Variants in PTPRC observed in about 807,000 individuals in gnomAD.
PTPRC encodes the protein receptor-type tyrosine-protein phosphatase C.
PTPRC carries 44 observed loss-of-function variants against 155.9 expected under a neutral mutation model. That is an observed-to-expected ratio of 0.28 (90% CI 0.22 to 0.36). The LOEUF is 0.36. PTPRC is among the 10% of genes least tolerant of loss of function. PTPRC has a pLI of 1.00. For missense variants in PTPRC, 1,401 were observed against 1,564.6 expected (o/e 0.90, Z 1.76); for synonymous variants, 525 against 533.1 (o/e 0.98, Z 0.21).
At chr1:198,658,008 C>T (rs1663696004) in intron 2 of PTPRC, among the ~76,000 whole-genome samples, 1 of 152,124 alleles carries the variant, frequency 6.6e-6, no homozygotes, top group African/African-American at 2.4e-5. Flanking sequence ...GGTTTTTCAC[C>T]TTTCCAGGGG....
At chr1:198,737,248 T>C (rs959330986) in intron 23 of PTPRC, among the ~76,000 whole-genome samples, 2 of 151,618 alleles carry the variant, frequency 1.3e-5, no homozygotes, top group East Asian at 3.9e-4. Flanking sequence ...TGGGGTATTG[T>C]TGAATAAAAC....
In PTPRC at chr1:198,692,368, C is replaced by T. The variant is rs1665976678; in HGVS notation, c.95C>T (p.Pro32Leu). 6.7e-7 allele frequency: 1 copy of T among 1,489,824 alleles called. No homozygotes were observed. Among genetic ancestry groups the T allele is most frequent in the Non-Finnish European group, 9.0e-7 (1 of 1,115,652 alleles). 92.3% of individuals were successfully genotyped at this position (1,489,824 alleles called of 1,614,324 possible). Residue 32 changes from proline to leucine, a missense_variant, in exon 3 of 33, where the codon CCC (proline) becomes CTC (leucine). Around this residue, in one of 3 missense-constraint regions of PTPRC, gnomAD observed 867 missense variants for 970.4 expected, o/e 0.89. Coordinates refer to ENST00000442510, the MANE Select transcript of PTPRC (RefSeq NM_002838.5). The part of the protein sequence containing the change: ...FVTGQSPTPS[P>L]TGLTTAKMPS... ...GCAGGGCAAAGCCCAACACCTTCCC[C>T]CACTGGTAAGAATTAATATTTATAT... is the stretch of plus-strand genomic sequence containing the variant.
At chr1:198,665,073 C>T (rs919860671) in intron 2 of PTPRC, among the ~76,000 whole-genome samples, 1 of 145,048 alleles carries the variant, frequency 6.9e-6, no homozygotes, top group Admixed American at 7.0e-5. Flanking sequence ...TAGAACATCC[C>T]GGCAGCATTT....
chr1:198,715,826 A>G, intron 12 of PTPRC, among the ~76,000 whole-genome samples: 1 of 152,152 alleles, frequency 6.6e-6, no homozygotes, highest in Non-Finnish European at 1.5e-5. Flanking sequence ...ATCGTTATTG[A>G]TATTATTATT....
intron 29 of PTPRC, 53 bp from the exon 30 acceptor site, chr1:198,752,194 TCC>T (rs1558040510): frequency 1.9e-6 from 3 of 1,554,834 alleles, no homozygotes; most frequent in African/African-American, 2.7e-5. Flanking sequence ...GGGAGACTGA[TCC>T]TTTGCATATT....
At chr1:198,751,249 G>A (rs1376271934) in intron 29 of PTPRC, among the ~76,000 whole-genome samples, 1 of 151,950 alleles carries the variant, frequency 6.6e-6, no homozygotes, top group Non-Finnish European at 1.5e-5. Flanking sequence ...TATAGTTGAA[G>A]GTGAATCTAA....
chr1:198,756,006 A>C lies in PTPRC; in HGVS notation c.3746A>C (p.Asp1249Ala). Residue 1249 changes from aspartate to alanine, a missense_variant, in exon 33 of 33, where the codon GAT (aspartate) becomes GCT (alanine). Asp to Ala is a moderately radical substitution (Grantham distance 126). Coordinates refer to ENST00000442510, the MANE Select transcript of PTPRC (RefSeq NM_002838.5). ...CATCAAGAAGATAAAATTGAATTTG[A>C]TAATGAAGTGGACAAAGTAAAGCAG... ...NNHQEDKIEF[D>A]NEVDKVKQDA... 6.2e-7 allele frequency: 1 copy of C among 1,613,428 alleles called. No homozygotes were observed. The highest frequency in any genetic ancestry group is 8.5e-7 in the Non-Finnish European group (1 of 1,179,600).
Position 198,756,145 on chromosome 1 carries a change from T to G in PTPRC, c.3885T>G (p.Asn1295Lys). The G allele has an allele frequency of 6.2e-7, 1 of 1,613,364 alleles. No individual in the cohort carries two copies. Among genetic ancestry groups the G allele is most frequent in the Non-Finnish European group, 8.5e-7 (1 of 1,179,610 alleles). Residue 1295 changes from asparagine (N) to lysine (K), a missense_variant, in exon 33 of 33, where the codon AAT becomes AAG. Asn to Lys is a moderately conservative substitution (Grantham distance 94, BLOSUM62 0). Around this residue, in one of 3 missense-constraint regions of PTPRC, gnomAD observed 400 missense variants for 389.5 expected, o/e 1.03. Transcript: ENST00000442510. ...SGTEGPEHSVNGPASPALNQG... is the reference protein window; with the variant it reads ...SGTEGPEHSVKGPASPALNQG... ...CTGAGGGGCCAGAACATTCTGTCAATGGTCCTGCAAGTCCAGCTTTAAATC... is the reference window on the plus strand; with the variant it reads ...CTGAGGGGCCAGAACATTCTGTCAAGGGTCCTGCAAGTCCAGCTTTAAATC...
intron 2 of PTPRC, among the ~76,000 whole-genome samples, chr1:198,689,694 C>T (rs1665822151): frequency 6.6e-6 from 1 of 152,156 alleles, no homozygotes; most frequent in African/African-American, 2.4e-5. Context: ...TTCTCCTTTG[C>T]ACTTACTCAT....
chr1:198,675,835 A>G (rs994344271), intron 2 of PTPRC, among the ~76,000 whole-genome samples: 5 of 152,168 alleles, frequency 3.3e-5, no homozygotes, highest in Middle Eastern at 3.2e-3. Context: ...CGGAAGGGAT[A>G]AGTAATTTCT....
intron 23 of PTPRC, among the ~76,000 whole-genome samples, chr1:198,736,384 C>T (rs964653861): frequency 6.6e-6 from 1 of 151,522 alleles, no homozygotes; most frequent in African/African-American, 2.4e-5. Flanking sequence ...TCTGTATATC[C>T]AAGAGTTCAG....
At chr1:198,753,074 A>G (rs919819125) in intron 31 of PTPRC, among the ~76,000 whole-genome samples, 1 of 152,034 alleles carries the variant, frequency 6.6e-6, no homozygotes, top group Non-Finnish European at 1.5e-5. Context: ...GAATTAATGA[A>G]TGGAAGGGTG....
intron 23 of PTPRC, among the ~76,000 whole-genome samples, chr1:198,740,675 T>C (rs1654860397): frequency 6.6e-6 from 1 of 151,782 alleles, no homozygotes; most frequent in African/African-American, 2.4e-5. Context: ...AAAAGAGACA[T>C]TGCCACTGAT....
At chr1:198,665,669 TA>T (rs1394386120) in intron 2 of PTPRC, among the ~76,000 whole-genome samples, 2 of 152,188 alleles carry the variant, frequency 1.3e-5, no homozygotes, top group Admixed American at 6.5e-5. Flanking sequence ...GTGAACTTAA[TA>T]CAAGTGTCTC....
intron 9 of PTPRC, 75 bp from the exon 10 acceptor site, chr1:198,708,058 T>C: frequency 7.2e-7 from 1 of 1,385,260 alleles, no homozygotes; most frequent in Non-Finnish European, 1.0e-6. Flanking sequence ...TTAACTGACA[T>C]GTTAGGAATG....
At position 198,709,793 on chromosome 1, in the gene PTPRC, C is replaced by T. The variant is rs200643724; in HGVS notation, c.1140C>T (p.Asn380=). The T allele has an allele frequency of 8.7e-5, 141 of 1,612,306 alleles. No homozygotes were observed. Among genetic ancestry groups the T allele is most frequent in the Non-Finnish European group, 1.1e-4 (130 of 1,179,202 alleles). ...EILYNNHKFT[N]ASKIIKTDFG... Reference sequence around the variant, plus strand: ...TCTATAATAACCACAAGTTTACTAACGCAAGTAAAATTATTAAAACAGATT... The same window carrying T: ...TCTATAATAACCACAAGTTTACTAATGCAAGTAAAATTATTAAAACAGATT... The change falls in exon 11 of 33, where the codon AAC becomes AAT. Residue 380 remains asparagine, a synonymous_variant. Coordinates refer to ENST00000442510, the MANE Select transcript of PTPRC (RefSeq NM_002838.5).
At position 198,706,951 on chromosome 1, in the gene PTPRC, A is replaced by G; in HGVS notation, c.903A>G (p.Pro301=). 1 of 1,582,228 alleles carries G rather than the reference A, an allele frequency of 6.3e-7. No individual in the cohort carries two copies. Among genetic ancestry groups the G allele is most frequent in the South Asian group, 1.1e-5 (1 of 90,242 alleles). ...PDKTLILDVP[P]GVEKFQLHDC... ...AGACATTAATATTAGATGTGCCACC[A>G]GGTAAATATCAATTTATTTCTTTTA... Residue 301 remains proline (P), a splice_region_variant and synonymous_variant, in exon 9 of 33, where the codon CCA becomes CCG. Transcript: ENST00000442510.
chr1:198,731,768 A>G lies in PTPRC; in HGVS notation c.1974+42A>G, dbSNP rs549342698. The G allele has an allele frequency of 1.8e-5, 26 of 1,427,976 alleles. No homozygotes were observed. In the African/African-American group the frequency reaches 2.0e-4, roughly 11 times the overall value. 88.5% of individuals were successfully genotyped at this position (1,427,976 alleles called of 1,614,324 possible). ...TTATATGATGATAAATTCGACATCA[A>G]GACAGTTCCACTTTAAGTGTATTTA... On this transcript the variant is annotated intron_variant, in intron 18 of 32. Coordinates refer to ENST00000442510, the MANE Select transcript of PTPRC (RefSeq NM_002838.5).
chr1:198,750,315 T>A (rs553795215), intron 28 of PTPRC, 177 bp from the exon 29 acceptor site: 1 of 658,102 alleles, frequency 1.5e-6, no homozygotes, highest in African/African-American at 1.8e-5. Context: ...TACTATTATC[T>A]GTATAATTAT....
Sources: gnomAD v4.1 joint callset for allele counts (sites outside exome capture counted in the v4.1 genomes callset) on GRCh38, gnomAD v4.1.1 for gene constraint, gnomAD v4.1.1 regional missense constraint, MANE v1.5 for transcripts, NCBI Gene and HGNC (gene_info 2026-07-23, HGNC 2026-07-21) for gene names.